BTD: variants seen among roughly 807,000 people sequenced by gnomAD.
BTD encodes the protein biocytinase.
BTD carries 13 observed loss-of-function variants against 17.7 expected under a neutral mutation model. That is an observed-to-expected ratio of 0.74 (90% confidence interval 0.48 to 1.17). The LOEUF is 1.17. Among genes scored for constraint, BTD ranks in the 50% most tolerant of loss-of-function variants. The probability of loss-of-function intolerance (pLI) is 0.00; values close to 1 mark genes in which losing one functional copy is unlikely to be tolerated. For missense variants in BTD, 674 were observed against 650.4 expected (o/e 1.04, Z -0.39); for synonymous variants, 240 against 245.2 (o/e 0.98, Z 0.20).
chr3:15,676,018 C>T (rs758892965), intron 3 of BTD: 10 of 1,579,808 alleles, frequency 6.3e-6, no homozygotes, highest in African/African-American at 1.3e-5. Context: ...TACATGTACA[C>T]ATATGTGCAT....
intron 3 of BTD, among the ~76,000 whole-genome samples, chr3:15,671,016 A>AT (rs1191342410): frequency 6.6e-6 from 1 of 152,218 alleles, no homozygotes; most frequent in East Asian, 1.9e-4. Context: ...GAAATCTTAA[A>AT]TGTGTACAGC....
At position 15,647,287 on chromosome 3, in the gene BTD, G is replaced by A. The variant is rs3796302; in HGVS notation, c.*1799G>A. The A allele has an allele frequency of 0.1, 15,851 of 152,314 alleles. 1,118 individuals carry two copies. Among genetic ancestry groups the A allele is most frequent in the East Asian group, 0.4 (2,053 of 5,182 alleles). The allele number at this position is 152,314 out of a possible 1,614,324, so 9.4% of individuals were successfully genotyped here. On this transcript the variant is annotated 3_prime_UTR_variant, in exon 4 of 4. Coordinates refer to ENST00000643237, the MANE Select transcript of BTD (RefSeq NM_001370658.1). ...GTCTGCTTCCCTGCCTCAAACCCCA[G>A]GGAGACAGAAATTACCTAAAAATGC... is the stretch of plus-strand genomic sequence containing the variant.
chr3:15,685,398 A>G (rs747102128), intron 3 of BTD: 1 of 1,613,748 alleles, frequency 6.2e-7, no homozygotes, highest in South Asian at 1.1e-5. Flanking sequence ...AGCACTTAGC[A>G]CCATGTTGAA....
rs534046649 is a variant in BTD, at chr3:15,649,543, C to T, written c.*4055C>T. On this transcript the variant is annotated 3_prime_UTR_variant, in exon 4 of 4. Transcript: ENST00000643237. ...TCCTCAGGCCAAAGTTCACATTCTG[C>T]ACAGCCTCAGCTCCGCCTGACCTCT... 6.7e-4 allele frequency among the ~76,000 whole-genome samples: 102 copies of T among 152,344 alleles called. No individual in the cohort carries two copies. Among genetic ancestry groups the T allele is most frequent in the African/African-American group, 2.4e-3 (98 of 41,574 alleles).
Position 15,650,364 on chromosome 3 carries a change from A to G in BTD, c.*4876A>G, listed in dbSNP as rs1195233381. 6.6e-6 allele frequency among the ~76,000 whole-genome samples: 1 copy of G among 152,180 alleles called. No individual in the cohort carries two copies. The highest frequency in any genetic ancestry group is 1.5e-5 in the Non-Finnish European group (1 of 68,034). ...TATATGAACTCTAGGCATCATGCAT[A>G]TATAATTTTTTGTAGATAACTTTTC... On this transcript the variant is annotated 3_prime_UTR_variant, in exon 4 of 4. Transcript: ENST00000643237.
intron 1 of BTD, among the ~76,000 whole-genome samples, chr3:15,613,324 A>T (rs2064690915): frequency 6.6e-6 from 1 of 152,088 alleles, no homozygotes; most frequent in East Asian, 1.9e-4. Flanking sequence ...CTCCTTTTCA[A>T]TTCTGTATTT....
At chr3:15,686,005 T>C (rs745699657) in intron 3 of BTD, 3 of 1,612,494 alleles carry the variant, frequency 1.9e-6, no homozygotes, top group Non-Finnish European at 2.5e-6. Context: ...TGCTTACCCC[T>C]CTATGCAACG....
At position 15,645,320 on chromosome 3, in the gene BTD, C is replaced by A; in HGVS notation, c.1404C>A (p.Gly468=). 1 of 1,614,206 alleles carries A rather than the reference C, an allele frequency of 6.2e-7. No homozygotes were observed. Among genetic ancestry groups the A allele is most frequent in the Non-Finnish European group, 8.5e-7 (1 of 1,180,032 alleles). The change falls in exon 4 of 4, where the codon GGC becomes GGA. Residue 468 remains glycine, a synonymous_variant. Coordinates refer to ENST00000643237, the MANE Select transcript of BTD (RefSeq NM_001370658.1). The part of the protein sequence containing the change: ...ATGIFEFHLW[G]NFSTSYIFPL... ...GGATATTTGAGTTTCACCTGTGGGG[C>A]AACTTCAGTACTTCCTATATCTTTC...
intron 1 of BTD, among the ~76,000 whole-genome samples, chr3:15,613,213 G>C (rs2064686763): frequency 6.6e-6 from 1 of 152,134 alleles, no homozygotes; most frequent in Non-Finnish European, 1.5e-5. Flanking sequence ...AGTCACCTTA[G>C]GGTGTGTCCA....
chr3:15,650,562 C>A lies in BTD; in HGVS notation c.*5074C>A, dbSNP rs2065786286. Among the ~76,000 whole-genome samples, 1 of 152,146 alleles carries A rather than the reference C, an allele frequency of 6.6e-6. No homozygotes were observed. Among genetic ancestry groups the A allele is most frequent in the Non-Finnish European group, 1.5e-5 (1 of 68,020 alleles). On this transcript the variant is annotated 3_prime_UTR_variant, in exon 4 of 4. Coordinates refer to ENST00000643237, the MANE Select transcript of BTD (RefSeq NM_001370658.1). ...ACAGTATCACACTCTACTCTGCACT[C>A]TTCTTTATCATTTTCTCCCACAGAC...
intron 3 of BTD, chr3:15,689,809 G>A (rs2068580662): frequency 1.9e-6 from 1 of 524,348 alleles, no homozygotes; most frequent in Non-Finnish European, 3.4e-6. Flanking sequence ...CTGAACACTG[G>A]GATACTCCTA....
At chr3:15,702,499 A>G (rs1288996924) in intron 3 of BTD, among the ~76,000 whole-genome samples, 1 of 152,232 alleles carries the variant, frequency 6.6e-6, no homozygotes, top group African/African-American at 2.4e-5. Context: ...AAAATATTTA[A>G]GGCTAAACAA....
At chr3:15,631,799 A>G (rs2065214274) in intron 1 of BTD, among the ~76,000 whole-genome samples, 1 of 152,158 alleles carries the variant, frequency 6.6e-6, no homozygotes, top group Admixed American at 6.6e-5. Context: ...CTTCTGCGCT[A>G]CGTGAACTGG....
chr3:15,634,488 T>C (rs1295415308), intron 1 of BTD, among the ~76,000 whole-genome samples: 1 of 152,186 alleles, frequency 6.6e-6, no homozygotes, highest in African/African-American at 2.4e-5. Context: ...AAAACAGTAA[T>C]GCACACTGTT....
downstream of BTD, among the ~76,000 whole-genome samples, chr3:15,715,876 G>GA (rs947233240): frequency 8.7e-5 from 13 of 148,600 alleles, no homozygotes; most frequent in East Asian, 2.0e-4. Flanking sequence ...TGTTCAACCA[G>GA]AAAAAAAAAG....
chr3:15,707,044 T>A (rs908465674), intron 3 of BTD, among the ~76,000 whole-genome samples: 3 of 152,216 alleles, frequency 2.0e-5, no homozygotes, highest in Non-Finnish European at 4.4e-5. Context: ...TTGTGAAGAA[T>A]CAAATTATGC....
chr3:15,635,254 T>C lies in BTD; in HGVS notation c.-16-170T>C, dbSNP rs1370135809. Among the ~76,000 whole-genome samples the C allele has an allele frequency of 2.0e-5, 3 of 152,194 alleles. No individual in the cohort carries two copies. Among genetic ancestry groups the C allele is most frequent in the African/African-American group, 7.2e-5 (3 of 41,458 alleles). On this transcript the variant is annotated intron_variant, in intron 1 of 3. Coordinates refer to ENST00000643237, the MANE Select transcript of BTD (RefSeq NM_001370658.1). This position sits in a 1 kb window ranked among gnomAD's most constrained non-coding sequence, Gnocchi z 4.1. The stretch of plus-strand genomic sequence containing the variant: ...ATTTTAAATGTGGCTTGCTACGTGT[T>C]TGGAGAGAAACACATACTCTTTTAT...
At chr3:15,626,726 A>G (rs1875798) in intron 1 of BTD, among the ~76,000 whole-genome samples, 3,141 of 147,064 alleles carry the variant, frequency 0.021, 200 homozygotes, top group Admixed American at 0.12. Flanking sequence ...GCTGTGAGCT[A>G]TGTATGATCA....
chr3:15,714,542 A>AAC, downstream of BTD: 1 of 1,485,542 alleles, frequency 6.7e-7, no homozygotes, highest in South Asian at 1.3e-5. Context: ...GAAAAAAAAA[A>AAC]AAAAACCCCA....
Sources: allele counts gnomAD v4.1 joint callset (sites outside exome capture counted in the v4.1 genomes callset), GRCh38; gene constraint gnomAD v4.1.1; non-coding constraint Gnocchi (gnomAD v3.1); transcripts MANE v1.5; gene names NCBI Gene and HGNC (gene_info 2026-07-23, HGNC 2026-07-21).